The following KCNMA1 variants were observed in gnomAD, a reference collection of about 807,000 sequenced individuals.
KCNMA1 encodes the protein Calcium-activated potassium channel subunit alpha-1.
Under a neutral mutation model 140.0 loss-of-function variants are expected in KCNMA1, and 29 were observed. The observed-to-expected ratio is 0.21, with a 90% CI of 0.15 to 0.28. KCNMA1 has a LOEUF of 0.28. KCNMA1 is among the 10% of genes least tolerant of loss of function. The pLI is 1.00. For synonymous variants in KCNMA1, 612 were observed against 611.9 expected (o/e 1.00, Z 0.00); for missense variants, 880 against 1,602.2 (o/e 0.55, Z 7.70).
Position 77,082,002 on chromosome 10 carries a change from C to CTTTTTTTTTTTTTTTT in KCNMA1, c.1524-2453_1524-2452insAAAAAAAAAAAAAAAA, listed in dbSNP as rs772878572. 1.3e-3 allele frequency among the ~76,000 whole-genome samples: 66 copies of CTTTTTTTTTTTTTTTT among 51,682 alleles called. 8 individuals carry two copies. The highest frequency in any genetic ancestry group is 1.9e-3 in the Non-Finnish European group (42 of 21,702). The allele number at this position is 51,682 out of a possible 152,430, so 33.9% of individuals were successfully genotyped here. On this transcript the variant is annotated intron_variant, in intron 12 of 27. Coordinates refer to ENST00000286628, the MANE Select transcript of KCNMA1 (RefSeq NM_001161352.2). ...CCTTTGACCAGTAATTTCTTTTTTT[C>CTTTTTTTTTTTTTTTT]TTTTCTTTTTTTTTTTTTTTTTTTT...
chr10:77,186,776 A>AGTGTGTGT (rs1565084288), intron 3 of KCNMA1, among the ~76,000 whole-genome samples: 5 of 90,064 alleles, frequency 5.6e-5, no homozygotes, highest in African/African-American at 2.4e-4. Flanking sequence ...CTAAAGAGTA[A>AGTGTGTGT]ATGTGTGTGT....
At chr10:77,532,400 G>A (rs2057874522) in intron 1 of KCNMA1, among the ~76,000 whole-genome samples, 1 of 152,248 alleles carries the variant, frequency 6.6e-6, no homozygotes, top group Non-Finnish European at 1.5e-5. Flanking sequence ...AAGGGAAGAG[G>A]TTGGCAGCAG....
At chr10:76,900,860 A>G (rs2044915437) in intron 25 of KCNMA1, among the ~76,000 whole-genome samples, 1 of 150,572 alleles carries the variant, frequency 6.6e-6, no homozygotes, top group Non-Finnish European at 1.5e-5. Flanking sequence ...TATCATGACA[A>G]TATGTATCAA....
intron 10 of KCNMA1, 61 bp downstream of exon 10, chr10:77,090,338 AG>A: frequency 9.2e-7 from 1 of 1,092,336 alleles, no homozygotes. Context: ...ACAGACATTC[AG>A]GGAGTCCCTC....
intron 17 of KCNMA1, among the ~76,000 whole-genome samples, chr10:77,015,353 C>A (rs2091815620): frequency 6.6e-6 from 1 of 152,054 alleles, no homozygotes; most frequent in African/African-American, 2.4e-5. Flanking sequence ...TCCCCTTGAC[C>A]CCACAGATCT....
chr10:77,534,520 C>T (rs528258930), intron 1 of KCNMA1, among the ~76,000 whole-genome samples: 15 of 152,220 alleles, frequency 9.9e-5, no homozygotes, highest in African/African-American at 2.2e-4. Context: ...TTTATTATAG[C>T]GAAGCATAAA....
chr10:77,636,454 G>A, intron 1 of KCNMA1: 1 of 1,536,218 alleles, frequency 6.5e-7, no homozygotes, highest in Non-Finnish European at 8.7e-7. Context: ...CGCGGCCTCA[G>A]GCGGACTCCC....
chr10:77,486,591 A>G (rs1277612239), intron 1 of KCNMA1, among the ~76,000 whole-genome samples: 1 of 152,212 alleles, frequency 6.6e-6, no homozygotes, highest in Non-Finnish European at 1.5e-5. Flanking sequence ...TTTTCAAAGA[A>G]CAGTGAGCTC....
At chr10:77,500,309 TA>T (rs1300187474) in intron 1 of KCNMA1, among the ~76,000 whole-genome samples, 1 of 151,784 alleles carries the variant, frequency 6.6e-6, no homozygotes, top group African/African-American at 2.4e-5. Context: ...AAATATACCC[TA>T]AACCAAGTGA....
At chr10:77,494,458 G>A (rs544816956) in intron 1 of KCNMA1, among the ~76,000 whole-genome samples, 7 of 152,176 alleles carry the variant, frequency 4.6e-5, no homozygotes, top group South Asian at 4.1e-4. Flanking sequence ...CTGGACAAAC[G>A]GGCACATGGG....
At chr10:76,940,408 C>T (rs1447888047) in intron 23 of KCNMA1, among the ~76,000 whole-genome samples, 1 of 152,314 alleles carries the variant, frequency 6.6e-6, no homozygotes, top group East Asian at 1.9e-4. Flanking sequence ...GAAGGCTCTA[C>T]TTTCTCAATG....
At chr10:77,174,395 G>T (rs533794364) in intron 5 of KCNMA1, among the ~76,000 whole-genome samples, 18 of 152,274 alleles carry the variant, frequency 1.2e-4, no homozygotes, top group South Asian at 2.1e-4. Flanking sequence ...AAAGTAAAAA[G>T]CCATGGTGTG....
chr10:77,115,254 G>A (rs1360243619), intron 6 of KCNMA1, among the ~76,000 whole-genome samples: 5 of 152,174 alleles, frequency 3.3e-5, no homozygotes, highest in African/African-American at 2.4e-5. Context: ...CTTCTGGCTC[G>A]AAAACTTGGA....
rs2094529743 is a variant in KCNMA1, at chr10:77,039,514, T to TA, written c.1859+13dup. The stretch of plus-strand genomic sequence containing the variant: ...CCCTGAAAGCCAAAGAGCATCCAGT[T>TA]AAAGGTCACTTACTCACAAACAGTA... On this transcript the variant is annotated intron_variant, in intron 15 of 27. Transcript: ENST00000286628. The TA allele has an allele frequency of 6.9e-7, 1 of 1,459,192 alleles. No individual in the cohort carries two copies. The highest frequency in any genetic ancestry group is 1.7e-5 in the Admixed American group (1 of 59,802). The allele number at this position is 1,459,192 out of a possible 1,614,324, so 90.4% of individuals were successfully genotyped here.
rs2096015818 is a variant in KCNMA1 at position 77,395,518 on chromosome 10, T to C, written c.540+8344A>G. Among the ~76,000 whole-genome samples, 4 of 152,334 alleles carry C rather than the reference T, an allele frequency of 2.6e-5. No homozygotes were observed. In the South Asian group the frequency reaches 6.2e-4, roughly 24 times the overall value. ...CCACAGGTATTACATGGGGAAAGGA[T>C]TCCACAGGGAAATGAAAATGGAAAA... On this transcript the variant is annotated intron_variant, in intron 2 of 27. Coordinates refer to ENST00000286628, the MANE Select transcript of KCNMA1 (RefSeq NM_001161352.2).
In KCNMA1 at chr10:77,044,738, T is replaced by C. The variant is rs373597393; in HGVS notation, c.1750-5101A>G. Among the ~76,000 whole-genome samples, 15 of 152,122 alleles carry C rather than the reference T, an allele frequency of 9.9e-5. No homozygotes were observed. In the East Asian group the frequency reaches 1.3e-3, roughly 14 times the overall value. ...ACCAGGTAAAGGGAGTTATTGTCAT[T>C]ATGAATTCCCCTTTTATAGATGATA... On this transcript the variant is annotated intron_variant, in intron 14 of 27. Transcript: ENST00000286628.
At chr10:77,228,418 C>T (rs2052328979) in intron 3 of KCNMA1, among the ~76,000 whole-genome samples, 1 of 152,126 alleles carries the variant, frequency 6.6e-6, no homozygotes, top group South Asian at 2.1e-4. Flanking sequence ...TGAGCACTCA[C>T]TATACATGAT....
chr10:77,624,638 G>C (rs1490945830), intron 1 of KCNMA1, among the ~76,000 whole-genome samples: 4 of 152,092 alleles, frequency 2.6e-5, no homozygotes, highest in Admixed American at 6.6e-5. Context: ...TCTGACTTAA[G>C]AAATGGCTTT....
intron 20 of KCNMA1, among the ~76,000 whole-genome samples, chr10:76,966,075 T>C (rs1201800772): frequency 4.6e-5 from 7 of 152,226 alleles, no homozygotes; most frequent in Non-Finnish European, 8.8e-5. Flanking sequence ...TATTAGACTG[T>C]GTGGAAGTTC....
Sources: allele counts gnomAD v4.1 joint callset (sites outside exome capture counted in the v4.1 genomes callset), GRCh38; gene constraint gnomAD v4.1.1; transcripts MANE v1.5; gene names NCBI Gene and HGNC (gene_info 2026-07-23, HGNC 2026-07-21).